Variants in DOK6 observed in about 807,000 individuals in gnomAD.
DOK6 encodes docking protein 6.
In DOK6, 22 loss-of-function variants were observed where a neutral mutation model predicts 44.0. That is an observed-to-expected ratio of 0.50 (90% CI 0.36 to 0.71). DOK6 has a LOEUF of 0.71. Among genes scored for constraint, DOK6 ranks in the 30% least tolerant of loss-of-function variants. The probability of loss-of-function intolerance (pLI) is 0.00; values close to 1 mark genes in which losing one functional copy is unlikely to be tolerated. For missense variants in DOK6, 340 were observed against 416.4 expected, an observed-to-expected ratio of 0.82 and a Z score of 1.60; for synonymous variants, 166 against 145.5, an observed-to-expected ratio of 1.14 and a Z score of -1.01.
At chr18:69,735,065 C>T (rs1978558040) in intron 5 of DOK6, among the ~76,000 whole-genome samples, 1 of 152,224 alleles carries the variant, frequency 6.6e-6, no homozygotes, top group South Asian at 2.1e-4. Flanking sequence ...AGCACCTCCT[C>T]TGGAGTTCGG....
chr18:69,425,196 T>C (rs1978603204), intron 1 of DOK6, among the ~76,000 whole-genome samples: 1 of 152,130 alleles, frequency 6.6e-6, no homozygotes, highest in South Asian at 2.1e-4. Context: ...CTTATGTGCA[T>C]TGTATCATTA....
At chr18:69,424,560 C>T (rs989929195) in intron 1 of DOK6, among the ~76,000 whole-genome samples, 3 of 152,088 alleles carry the variant, frequency 2.0e-5, no homozygotes, top group Non-Finnish European at 4.4e-5. Context: ...TTTAAACTTG[C>T]TTATAGTCTT....
intron 1 of DOK6, among the ~76,000 whole-genome samples, chr18:69,503,830 G>T (rs1981111683): frequency 6.6e-6 from 1 of 151,574 alleles, no homozygotes; most frequent in African/African-American, 2.4e-5. Context: ...TCTTATTCAA[G>T]GACAGAAAAA....
At chr18:69,518,020 G>C (rs1364024487) in intron 1 of DOK6, among the ~76,000 whole-genome samples, 2 of 152,028 alleles carry the variant, frequency 1.3e-5, no homozygotes. Context: ...TTGGTGGCTT[G>C]CCTGCTGGCC....
chr18:69,623,973 A>T (rs1984500208), intron 3 of DOK6, among the ~76,000 whole-genome samples: 1 of 152,202 alleles, frequency 6.6e-6, no homozygotes, highest in Admixed American at 6.5e-5. Context: ...TGATAGACAT[A>T]GAGCCTTTGG....
intron 7 of DOK6, among the ~76,000 whole-genome samples, chr18:69,837,571 A>C (rs1217078211): frequency 3.5e-5 from 1 of 28,908 alleles, no homozygotes; most frequent in Admixed American, 9.8e-4. Flanking sequence ...GGTGTTCAGC[A>C]AAAAAAAAAA....
chr18:69,777,813 A>T (rs897362832), intron 7 of DOK6: 4 of 151,976 alleles, frequency 2.6e-5, no homozygotes, highest in Admixed American at 1.3e-4. Flanking sequence ...GATAAAAAAA[A>T]TTTTTAAAGA....
At chr18:69,589,746 C>A (rs1983583095) in intron 2 of DOK6, among the ~76,000 whole-genome samples, 1 of 152,012 alleles carries the variant, frequency 6.6e-6, no homozygotes, top group African/African-American at 2.4e-5. Flanking sequence ...AAATAAATAG[C>A]ATGATGTTTT....
intron 5 of DOK6, among the ~76,000 whole-genome samples, chr18:69,734,165 G>T (rs1259417217): frequency 6.7e-6 from 1 of 149,794 alleles, no homozygotes; most frequent in Admixed American, 6.7e-5. Flanking sequence ...TTTTCCAAAT[G>T]ACTACCATTC....
intron 3 of DOK6, among the ~76,000 whole-genome samples, chr18:69,653,571 T>G (rs1387282707): frequency 2.6e-5 from 4 of 152,146 alleles, no homozygotes; most frequent in Non-Finnish European, 5.9e-5. Flanking sequence ...AAGAGGGACT[T>G]CTGTAAATAT....
At chr18:69,781,576 G>C (rs753216454) in intron 7 of DOK6, among the ~76,000 whole-genome samples, 1 of 152,094 alleles carries the variant, frequency 6.6e-6, no homozygotes, top group South Asian at 2.1e-4. Flanking sequence ...ATTACTAACC[G>C]TTTCTGCATG....
At chr18:69,709,212 CATGCA>C (rs1295590969) in intron 5 of DOK6, among the ~76,000 whole-genome samples, 1 of 152,124 alleles carries the variant, frequency 6.6e-6, no homozygotes, top group Non-Finnish European at 1.5e-5. Flanking sequence ...GTAATAACCA[CATGCA>C]TTAGCCTCAC....
At chr18:69,732,009 T>C (rs1978422331) in intron 5 of DOK6, among the ~76,000 whole-genome samples, 2 of 152,230 alleles carry the variant, frequency 1.3e-5, no homozygotes, top group South Asian at 4.1e-4. Flanking sequence ...TGTATTTAAC[T>C]GTTTTATCTA....
chr18:69,814,932 A>G (rs760318817), intron 7 of DOK6, among the ~76,000 whole-genome samples: 7 of 152,136 alleles, frequency 4.6e-5, no homozygotes, highest in Non-Finnish European at 8.8e-5. Context: ...TGTCCAGATA[A>G]GAAAAAAAAA....
intron 1 of DOK6, among the ~76,000 whole-genome samples, chr18:69,556,856 C>G (rs1225228232): frequency 6.6e-6 from 1 of 152,194 alleles, no homozygotes; most frequent in Non-Finnish European, 1.5e-5. Context: ...TAAAGTGAAT[C>G]CTGTGCACTG....
At chr18:69,608,098 A>C (rs538018124) in intron 3 of DOK6, among the ~76,000 whole-genome samples, 17 of 152,304 alleles carry the variant, frequency 1.1e-4, no homozygotes, top group Middle Eastern at 6.8e-3. Flanking sequence ...TGAGAATAAA[A>C]CCAAGATTAA....
At chr18:69,605,757 A>G (rs1019340744) in intron 3 of DOK6, among the ~76,000 whole-genome samples, 2 of 152,132 alleles carry the variant, frequency 1.3e-5, no homozygotes, top group Non-Finnish European at 2.9e-5. Context: ...GATAAAGAAC[A>G]TCTGCAGAAA....
chr18:69,817,765 G>A (rs1981443602), intron 7 of DOK6, among the ~76,000 whole-genome samples: 1 of 152,162 alleles, frequency 6.6e-6, no homozygotes, highest in Non-Finnish European at 1.5e-5. Context: ...ATCCGGTCCT[G>A]AGTCATCCTC....
chr18:69,539,482 T>TC (rs1555711393), intron 1 of DOK6, among the ~76,000 whole-genome samples: 9 of 150,682 alleles, frequency 6.0e-5, no homozygotes, highest in East Asian at 1.9e-4. Flanking sequence ...TTTTTTTTTT[T>TC]CCACATATAG....
Sources: gnomAD v4.1 joint callset for allele counts (sites outside exome capture counted in the v4.1 genomes callset) on GRCh38, gnomAD v4.1.1 for gene constraint, MANE v1.5 for transcripts, NCBI Gene and HGNC (gene_info 2026-07-23, HGNC 2026-07-21) for gene names.